The following ECT2L variants were observed in gnomAD, a reference collection of about 807,000 sequenced individuals.
ECT2L encodes epithelial cell transforming 2 like, also known as epithelial cell-transforming sequence 2 oncogene-like.
Under a neutral mutation model 122.8 loss-of-function variants are expected in ECT2L, and 126 were observed. The ratio of observed to expected loss-of-function variants is 1.03; its 90% CI spans 0.89 to 1.19. The LOEUF (loss-of-function observed/expected upper bound fraction) is 1.19. ECT2L is among the 50% of genes most tolerant of loss of function. The pLI is 0.00. For synonymous variants in ECT2L, 385 were observed against 381.8 expected, an observed-to-expected ratio of 1.01 and a Z score of -0.10; for missense variants, 1,012 against 1,064.1, an observed-to-expected ratio of 0.95 and a Z score of 0.68.
In ECT2L at chr6:138,902,529, C is replaced by T. The variant is rs1779438653; in HGVS notation, c.2617C>T (p.Pro873Ser). 1.9e-6 allele frequency: 3 copies of T among 1,613,396 alleles called. No individual in the cohort carries two copies. The East Asian group carries it at 6.7e-5, about 36-fold the overall frequency. The change falls in exon 22 of 22, where the codon CCA becomes TCA. Residue 873 changes from proline to serine, a missense_variant. Pro to Ser is a moderately conservative substitution (Grantham distance 74, BLOSUM62 -1). Coordinates refer to ENST00000541398, the MANE Select transcript of ECT2L (RefSeq NM_001077706.3). ...YVKNAFILQG[P>S]KYKWICATEI... ...CAAGAATGCATTTATTCTTCAGGGT[C>T]CAAAATATAAATGGATTTGTGCTAC... is the stretch of plus-strand genomic sequence containing the variant.
chr6:138,838,938 C>T (rs1301649533), intron 5 of ECT2L, among the ~76,000 whole-genome samples: 4 of 152,242 alleles, frequency 2.6e-5, no homozygotes, highest in Non-Finnish European at 4.4e-5. Flanking sequence ...CGTGCCACCA[C>T]GCCCAGCTAA....
intron 20 of ECT2L, 65 bp from the exon 21 acceptor site, chr6:138,900,883 G>A (rs578218850): frequency 1.3e-6 from 2 of 1,519,632 alleles, no homozygotes; most frequent in South Asian, 2.6e-5. Flanking sequence ...ATTTCAAGAT[G>A]CTTAACTATG....
intron 1 of ECT2L, among the ~76,000 whole-genome samples, chr6:138,799,561 C>CT (rs961440911): frequency 1.5e-3 from 228 of 149,578 alleles, no homozygotes; most frequent in African/African-American, 4.1e-3. Flanking sequence ...GGCCTCTTTT[C>CT]TTTTTTTTTG....
chr6:138,830,988 G>A (rs1257557123), intron 4 of ECT2L, among the ~76,000 whole-genome samples: 1 of 152,050 alleles, frequency 6.6e-6, no homozygotes, highest in African/African-American at 2.4e-5. Flanking sequence ...TGAATGTCTT[G>A]AGAACACCCC....
chr6:138,827,615 C>T (rs753773060), intron 4 of ECT2L, among the ~76,000 whole-genome samples: 15 of 152,070 alleles, frequency 9.9e-5, no homozygotes, highest in Admixed American at 3.3e-4. Flanking sequence ...GGAGTGCAGC[C>T]GCACAATCTT....
At chr6:138,810,393 G>A (rs1775852708) in intron 1 of ECT2L, among the ~76,000 whole-genome samples, 2 of 152,208 alleles carry the variant, frequency 1.3e-5, no homozygotes, top group African/African-American at 2.4e-5. Context: ...AATACTTTGA[G>A]TTGGAAAAAC....
At chr6:138,810,476 A>G (rs564098933) in intron 1 of ECT2L, among the ~76,000 whole-genome samples, 1 of 152,332 alleles carries the variant, frequency 6.6e-6, no homozygotes, top group South Asian at 2.1e-4. Context: ...TCTGCAGTTA[A>G]CTTTAGAGAG....
At position 138,868,209 on chromosome 6, in the gene ECT2L, A is replaced by G; in HGVS notation, c.1578+3A>G. 6.2e-7 allele frequency: 1 copy of G among 1,607,282 alleles called. No individual in the cohort carries two copies. The highest frequency in any genetic ancestry group is 1.1e-5 in the South Asian group (1 of 89,224). On this transcript the variant is annotated splice_donor_region_variant and intron_variant, in intron 13 of 21. Transcript: ENST00000541398. ...TGGAGTTGTCAAAAGAAGATTCTGT[A>G]AGTGTTTCTTTGAAGAAAGTAAACT...
At chr6:138,895,627 G>C (rs537917869) in intron 20 of ECT2L, among the ~76,000 whole-genome samples, 1 of 152,252 alleles carries the variant, frequency 6.6e-6, no homozygotes, top group South Asian at 2.1e-4. Flanking sequence ...CTGGAGTGCA[G>C]TGGTGTGATC....
chr6:138,849,283 T>C lies in ECT2L; in HGVS notation c.918T>C (p.Ser306=). ...TCATTCTCCAGATGGTGATGGAGAG[T>C]GTGAAGGCTGGTGTTGTTTCTGTGG... ...RIPAYEMVME[S]VKAGVVSVVY... The change falls in exon 9 of 22, where the codon AGT becomes AGC. Residue 306 remains serine (S), a synonymous_variant. Transcript: ENST00000541398. 6.2e-7 allele frequency: 1 copy of C among 1,612,354 alleles called. No individual in the cohort carries two copies. The highest frequency in any genetic ancestry group is 8.5e-7 in the Non-Finnish European group (1 of 1,179,298).
In ECT2L at chr6:138,861,379, C is replaced by T. The variant is rs1301698014; in HGVS notation, c.1199-1248C>T. Among the ~76,000 whole-genome samples, 4 of 152,308 alleles carry T rather than the reference C, an allele frequency of 2.6e-5. No homozygotes were observed. The East Asian group carries it at 5.8e-4, about 22-fold the overall frequency. ...AAGTATTCCTATTTCTCCACAGCCT[C>T]GCCAGCATCTGTTGTTTCCTGACTT... is the stretch of plus-strand genomic sequence containing the variant. On this transcript the variant is annotated intron_variant, in intron 10 of 21. Transcript: ENST00000541398.
intron 13 of ECT2L, among the ~76,000 whole-genome samples, chr6:138,871,980 A>T (rs1778272415): frequency 6.7e-6 from 1 of 148,500 alleles, no homozygotes; most frequent in South Asian, 2.1e-4. Context: ...TTATTTTTTA[A>T]TTTTTTTTTT....
intron 4 of ECT2L, among the ~76,000 whole-genome samples, chr6:138,828,235 C>A (rs1776522871): frequency 6.6e-6 from 1 of 152,252 alleles, no homozygotes; most frequent in South Asian, 2.1e-4. Context: ...CCTCAATGAC[C>A]TCATAACTTC....
chr6:138,886,246 A>G (rs1299686120), intron 18 of ECT2L, among the ~76,000 whole-genome samples: 1 of 152,190 alleles, frequency 6.6e-6, no homozygotes, highest in Non-Finnish European at 1.5e-5. Context: ...ACCTTGGAGT[A>G]CAGTACTATC....
rs1308405394 is a variant in ECT2L, at chr6:138,846,625, A to T, written c.851A>T (p.Tyr284Phe). The T allele has an allele frequency of 2.5e-6, 4 of 1,611,162 alleles. No homozygotes were observed. Among genetic ancestry groups the T allele is most frequent in the Middle Eastern group, 3.3e-4 (2 of 6,052 alleles). The change falls in exon 8 of 22, where the codon TAT becomes TTT. Residue 284 changes from tyrosine (Y) to phenylalanine (F), a missense_variant. Physicochemically the swap from Tyr to Phe is conservative, Grantham distance 22. Transcript: ENST00000541398. ...GVHKNDDRSSYALRPHFMLIS... is the reference protein window; with the variant it reads ...GVHKNDDRSSFALRPHFMLIS... Reference sequence around the variant, plus strand: ...CATAAAAATGATGACAGATCTTCATATGCTCTCCGGCCACACTTCATGTTA... The same window carrying T: ...CATAAAAATGATGACAGATCTTCATTTGCTCTCCGGCCACACTTCATGTTA...
intron 4 of ECT2L, among the ~76,000 whole-genome samples, chr6:138,817,844 C>T (rs1014170152): frequency 6.6e-6 from 1 of 152,190 alleles, no homozygotes; most frequent in Non-Finnish European, 1.5e-5. Flanking sequence ...CTTTATACCT[C>T]AATTGTGGCT....
intron 14 of ECT2L, 36 bp from the exon 15 acceptor site, chr6:138,880,921 C>G (rs1286498534): frequency 1.9e-6 from 3 of 1,580,602 alleles, no homozygotes; most frequent in Non-Finnish European, 2.6e-6. Context: ...TTCTACTTCT[C>G]CATCACTGAC....
chr6:138,851,482 CTTTTTTTTT>C lies in ECT2L; in HGVS notation c.1069+2063_1069+2071del, dbSNP rs56921189. Among the ~76,000 whole-genome samples, 3 of 109,636 alleles carry C rather than the reference CTTTTTTTTT, an allele frequency of 2.7e-5. No individual in the cohort carries two copies. In the East Asian group the frequency reaches 8.2e-4, roughly 30 times the overall value. The allele number at this position is 109,636 out of a possible 152,430, so 71.9% of individuals were successfully genotyped here. On this transcript the variant is annotated intron_variant, in intron 9 of 21. Coordinates refer to ENST00000541398, the MANE Select transcript of ECT2L (RefSeq NM_001077706.3). Reference sequence around the variant, plus strand: ...ACAGGTGTGGGCCACTGTGCCTAGCCTTTTTTTTTTTTTTTTTTTTTTTAAATAGTAGCC... The same window carrying C: ...ACAGGTGTGGGCCACTGTGCCTAGCCTTTTTTTTTTTTTTAAATAGTAGCC...
intron 13 of ECT2L, among the ~76,000 whole-genome samples, chr6:138,873,318 CA>C (rs1778318460): frequency 6.6e-6 from 1 of 152,212 alleles, no homozygotes; most frequent in Non-Finnish European, 1.5e-5. Flanking sequence ...ACAAAGCCCA[CA>C]GAACAAATGC....
Sources: allele counts gnomAD v4.1 joint callset (sites outside exome capture counted in the v4.1 genomes callset), GRCh38; gene constraint gnomAD v4.1.1; transcripts MANE v1.5; gene names NCBI Gene and HGNC (gene_info 2026-07-23, HGNC 2026-07-21).